The following SEC31A variants were observed in gnomAD, a reference collection of about 807,000 sequenced individuals.
SEC31A encodes the protein SEC31 homolog A, COPII component.
A neutral mutation model predicts 151.0 loss-of-function variants in SEC31A; 70 were observed. That is an observed-to-expected ratio of 0.46 (90% confidence interval 0.38 to 0.57). The LOEUF (loss-of-function observed/expected upper bound fraction) is 0.57, where lower values mean the gene tolerates loss of function less well. Ranked by LOEUF, SEC31A falls within the 20% of genes least tolerant of loss-of-function variation. The probability of loss-of-function intolerance (pLI) is 0.00; values close to 1 mark genes in which losing one functional copy is unlikely to be tolerated. For missense variants in SEC31A, 1,330 were observed against 1,471.2 expected (o/e 0.90, Z 1.57); for synonymous variants, 475 against 505.9 (o/e 0.94, Z 0.82).
In SEC31A at chr4:82,879,026, C is replaced by T. The variant is rs114663227; in HGVS notation, c.204-98G>A. ...ACTTAATTTTTAATGTTTTCATAAA[C>T]AATCCAAATATATTACTTTCCCACC... On this transcript the variant is annotated intron_variant, in intron 3 of 26. Coordinates refer to ENST00000395310, the MANE Select transcript of SEC31A (RefSeq NM_001077207.4). The T allele has an allele frequency of 2.6e-3, 2,340 of 887,434 alleles. 47 individuals carry two copies. The African/African-American group carries it at 0.035, about 13-fold the overall frequency. 55.0% of individuals were successfully genotyped at this position (887,434 alleles called of 1,614,324 possible).
Position 82,874,277 on chromosome 4 carries a change from G to A in SEC31A, c.639+334C>T, listed in dbSNP as rs956347631. 3.3e-5 allele frequency among the ~76,000 whole-genome samples: 5 copies of A among 149,258 alleles called. No individual in the cohort carries two copies. In the East Asian group the frequency reaches 9.9e-4, roughly 30 times the overall value. ...CACGCCACTGTACTCCAGCCTGGGCGACAAAGCGAGACTCCGTCTCAAGAA... is the reference window on the plus strand; with the variant it reads ...CACGCCACTGTACTCCAGCCTGGGCAACAAAGCGAGACTCCGTCTCAAGAA... On this transcript the variant is annotated intron_variant, in intron 6 of 26. Coordinates refer to ENST00000395310, the MANE Select transcript of SEC31A (RefSeq NM_001077207.4).
rs1477586159 is a variant in SEC31A at position 82,880,928 on chromosome 4, G to A, written c.80-6C>T. 3.1e-6 allele frequency: 5 copies of A among 1,596,156 alleles called. No individual in the cohort carries two copies. In the South Asian group the frequency reaches 5.7e-5, roughly 18 times the overall value. On this transcript the variant is annotated splice_polypyrimidine_tract_variant and splice_region_variant and intron_variant, in intron 2 of 26. Coordinates refer to ENST00000395310, the MANE Select transcript of SEC31A (RefSeq NM_001077207.4). ...CAATTGCTGAGCAGATGTTCCTATA[G>A]AAAATATATTTATGGTAACTATACA...
At chr4:82,868,132 G>A (rs1365208961) in intron 8 of SEC31A, among the ~76,000 whole-genome samples, 1 of 152,186 alleles carries the variant, frequency 6.6e-6, no homozygotes, top group East Asian at 1.9e-4. Flanking sequence ...TCCTATCACT[G>A]CAGAATCCTA....
chr4:82,821,817 G>A (rs927503189), intron 25 of SEC31A, among the ~76,000 whole-genome samples: 1 of 152,094 alleles, frequency 6.6e-6, no homozygotes, highest in Non-Finnish European at 1.5e-5. Flanking sequence ...AGTTATTGTC[G>A]ATTATGGGTG....
chr4:82,864,634 C>A (rs1393919306), intron 10 of SEC31A, 36 bp from the exon 11 acceptor site: 1 of 1,584,752 alleles, frequency 6.3e-7, no homozygotes, highest in Non-Finnish European at 8.6e-7. Flanking sequence ...CAGTGTTAAC[C>A]CAAGGATATG....
chr4:82,862,653 C>T (rs1251154446), intron 12 of SEC31A, 81 bp from the exon 13 acceptor site: 2 of 1,268,260 alleles, frequency 1.6e-6, no homozygotes, highest in Non-Finnish European at 2.3e-6. Flanking sequence ...TTGCTTCTCA[C>T]TGGCGAAAAT....
At chr4:82,851,242 C>T (rs1731386557) in intron 19 of SEC31A, among the ~76,000 whole-genome samples, 189 bp downstream of exon 19, 1 of 152,192 alleles carries the variant, frequency 6.6e-6, no homozygotes, top group Admixed American at 6.5e-5. Context: ...TATCCTATCT[C>T]TCTAACACAG....
chr4:82,883,434 T>C (rs1427700247), intron 1 of SEC31A, among the ~76,000 whole-genome samples: 2 of 152,216 alleles, frequency 1.3e-5, no homozygotes, highest in Admixed American at 6.5e-5. Context: ...TTGTCCTCTA[T>C]GGCAATTGTG....
chr4:82,833,538 A>T (rs1474592760), intron 22 of SEC31A, among the ~76,000 whole-genome samples: 1 of 152,132 alleles, frequency 6.6e-6, no homozygotes, highest in African/African-American at 2.4e-5. Flanking sequence ...ATTATAAAAA[A>T]AAAAAAAAAA....
At chr4:82,835,237 G>A (rs976947066) in intron 22 of SEC31A, among the ~76,000 whole-genome samples, 1 of 152,044 alleles carries the variant, frequency 6.6e-6, no homozygotes, top group African/African-American at 2.4e-5. Context: ...GCTACATGAA[G>A]AACATGAATA....
intron 22 of SEC31A, among the ~76,000 whole-genome samples, chr4:82,841,467 T>TATATATATATATATATATATATATAC (rs1339344582): frequency 1.9e-5 from 2 of 103,582 alleles, no homozygotes; most frequent in Non-Finnish European, 4.0e-5. Flanking sequence ...TATATATATA[T>TATATATATATATATATATATATATAC]ACACACACAC....
upstream of SEC31A, among the ~76,000 whole-genome samples, chr4:82,892,042 A>G (rs983853470): frequency 7.9e-5 from 12 of 152,246 alleles, no homozygotes; most frequent in Non-Finnish European, 1.6e-4. Flanking sequence ...CCCCTTGAAC[A>G]GCAGCAGTGT....
At chr4:82,825,211 TTTAAG>T (rs1724269646) in intron 24 of SEC31A, among the ~76,000 whole-genome samples, 2 of 152,194 alleles carry the variant, frequency 1.3e-5, no homozygotes, top group South Asian at 2.1e-4. Flanking sequence ...AGAAGAAATG[TTTAAG>T]TTAAGTTTTA....
chr4:82,879,027 A>T, intron 3 of SEC31A, 99 bp from the exon 4 acceptor site: 1 of 864,288 alleles, frequency 1.2e-6, no homozygotes, highest in Non-Finnish European at 1.8e-6. Context: ...TTTCATAAAC[A>T]ATCCAAATAT....
At chr4:82,831,168 CAG>C (rs1725855396) in intron 22 of SEC31A, 1 of 160,486 alleles carries the variant, frequency 6.2e-6, no homozygotes, top group African/African-American at 2.4e-5. Context: ...GGTTTTTTGA[CAG>C]AGGGAATTTA....
chr4:82,858,685 ATTAT>A (rs577988238), intron 14 of SEC31A, among the ~76,000 whole-genome samples: 13 of 149,676 alleles, frequency 8.7e-5, no homozygotes, highest in East Asian at 3.9e-4. Flanking sequence ...TGGAAAATAT[ATTAT>A]TTATTTATTT....
chr4:82,857,120 A>C lies in SEC31A; in HGVS notation c.1713T>G (p.Gly571=). Residue 571 remains glycine (G), a synonymous_variant, in exon 16 of 27, where the codon GGT becomes GGG. Transcript: ENST00000395310. The part of the protein sequence containing the change: ...FNISVSGDID[G]LITQALLTGN... ...CCGTCAGCAAAGCCTGAGTAATTAA[A>C]CCATCAATGTCTGCAACAAGAAAAT... 5 of 1,609,900 alleles carry C rather than the reference A, an allele frequency of 3.1e-6. No individual in the cohort carries two copies. The highest frequency in any genetic ancestry group is 4.2e-6 in the Non-Finnish European group (5 of 1,179,118).
chr4:82,830,310 A>C (rs529136473), intron 22 of SEC31A, among the ~76,000 whole-genome samples: 2 of 151,974 alleles, frequency 1.3e-5, no homozygotes, highest in Non-Finnish European at 2.9e-5. Context: ...AAAATACAAA[A>C]ATTAGCTGCT....
intron 13 of SEC31A, 21 bp downstream of exon 13, chr4:82,862,513 T>C: frequency 6.2e-7 from 1 of 1,606,252 alleles, no homozygotes; most frequent in African/African-American, 1.3e-5. Context: ...AGAAGGTAGC[T>C]ATTTTTAAAG....
Sources: gnomAD v4.1 joint callset for allele counts (sites outside exome capture counted in the v4.1 genomes callset) on GRCh38, gnomAD v4.1.1 for gene constraint, MANE v1.5 for transcripts, NCBI Gene and HGNC (gene_info 2026-07-23, HGNC 2026-07-21) for gene names.